VCAM1: variants seen among roughly 807,000 people sequenced by gnomAD.
The protein encoded by VCAM1 is vascular cell adhesion protein 1.
A neutral mutation model predicts 63.8 loss-of-function variants in VCAM1; 41 were observed. That is an observed-to-expected ratio of 0.64 (90% confidence interval 0.50 to 0.83). The LOEUF is 0.83. Ranked by LOEUF, VCAM1 falls within the 40% of genes least tolerant of loss-of-function variation. The probability of loss-of-function intolerance (pLI) is 0.00; values close to 1 mark genes in which losing one functional copy is unlikely to be tolerated. For missense variants in VCAM1, 798 were observed against 875.5 expected (o/e 0.91, Z 1.12); for synonymous variants, 338 against 320.7 (o/e 1.05, Z -0.58).
intron 7 of VCAM1, among the ~76,000 whole-genome samples, chr1:100,733,233 T>C (rs1364794265): frequency 6.6e-6 from 1 of 152,192 alleles, no homozygotes; most frequent in African/African-American, 2.4e-5. Flanking sequence ...CTCTTTAGGA[T>C]GGAGACCCAA....
At position 100,732,587 on chromosome 1, in the gene VCAM1, C is replaced by T; in HGVS notation, c.1695C>T (p.Thr565=). ...CTCTTTCTGAGAATGCAACTCTCAC[C>T]TTAATTTCTACAAAAATGGAAGATT... The part of the protein sequence containing the change: ...LQPLSENATL[T]LISTKMEDSG... The change falls in exon 7 of 9, where the codon ACC becomes ACT. Residue 565 remains threonine (T), a synonymous_variant. Coordinates refer to ENST00000294728, the MANE Select transcript of VCAM1 (RefSeq NM_001078.4). 3.7e-6 allele frequency: 6 copies of T among 1,613,322 alleles called. No individual in the cohort carries two copies. The highest frequency in any genetic ancestry group is 4.2e-6 in the Non-Finnish European group (5 of 1,179,714).
At chr1:100,729,460 G>T in intron 5 of VCAM1, 78 bp downstream of exon 5, 1 of 1,459,220 alleles carries the variant, frequency 6.9e-7, no homozygotes. Context: ...TCTGTGAAGT[G>T]CAATGAAATC....
chr1:100,736,964 T>A (rs1013351451), intron 8 of VCAM1: 1 of 152,192 alleles, frequency 6.6e-6, no homozygotes, highest in Admixed American at 6.5e-5. Flanking sequence ...ACTTGTGTGG[T>A]CACATGATGC....
At chr1:100,732,798 T>A in intron 7 of VCAM1, 114 bp downstream of exon 7, 1 of 1,189,118 alleles carries the variant, frequency 8.4e-7, no homozygotes, top group Non-Finnish European at 1.2e-6. Flanking sequence ...GTGATGAGGG[T>A]TTTGAAGAGT....
intron 4 of VCAM1, among the ~76,000 whole-genome samples, chr1:100,725,788 T>C (rs565286420): frequency 6.6e-6 from 1 of 152,194 alleles, no homozygotes; most frequent in African/African-American, 2.4e-5. Flanking sequence ...ATATTTTTAA[T>C]TGATAAATCA....
At position 100,738,928 on chromosome 1, in the gene VCAM1, T is replaced by C. The variant is rs923478238; in HGVS notation, c.*645T>C. On this transcript the variant is annotated 3_prime_UTR_variant, in exon 9 of 9. Transcript: ENST00000294728. The stretch of plus-strand genomic sequence containing the variant: ...GTACGGAGATGTTTCACGAAGTTTG[T>C]TCATCAGACTCCTGTGCAACTTTCC... The C allele has an allele frequency of 1.3e-5, 2 of 152,234 alleles. No homozygotes were observed. Among genetic ancestry groups the C allele is most frequent in the African/African-American group, 4.8e-5 (2 of 41,460 alleles). 9.4% of individuals were successfully genotyped at this position (152,234 alleles called of 1,614,324 possible).
intron 2 of VCAM1, among the ~76,000 whole-genome samples, chr1:100,722,694 A>G (rs1201023375): frequency 6.6e-6 from 1 of 152,106 alleles, no homozygotes; most frequent in Non-Finnish European, 1.5e-5. Flanking sequence ...GGATAAAATG[A>G]AATCATTCAT....
chr1:100,723,402 A>G (rs944894377), intron 3 of VCAM1, 62 bp downstream of exon 3: 15 of 1,509,300 alleles, frequency 9.9e-6, no homozygotes, highest in Non-Finnish European at 1.3e-5. Context: ...GTGTATAGCA[A>G]TAAACTTAGC....
chr1:100,732,455 C>T lies in VCAM1; in HGVS notation c.1563C>T (p.Ser521=), dbSNP rs1660494341. Reference sequence around the variant, plus strand: ...ATACAACCGTCTTGGTCAGCCCTTCCTCCATCCTGGAGGAAGGCAGTTCTG... The same window carrying T: ...ATACAACCGTCTTGGTCAGCCCTTCTTCCATCCTGGAGGAAGGCAGTTCTG... ...PRDTTVLVSP[S]SILEEGSSVN... Residue 521 remains serine (S), a synonymous_variant, in exon 7 of 9, where the codon TCC becomes TCT. Coordinates refer to ENST00000294728, the MANE Select transcript of VCAM1 (RefSeq NM_001078.4). 2 of 1,600,680 alleles carry T rather than the reference C, an allele frequency of 1.2e-6. No homozygotes were observed. The highest frequency in any genetic ancestry group is 3.5e-5 in the Admixed American group (2 of 56,904).
chr1:100,734,841 A>G, intron 8 of VCAM1, 73 bp downstream of exon 8: 1 of 1,527,804 alleles, frequency 6.5e-7, no homozygotes, highest in Non-Finnish European at 8.8e-7. Context: ...AGTTTCCAAT[A>G]TTTGATGAAT....
chr1:100,734,395 G>A lies in VCAM1; in HGVS notation c.1793-107G>A, dbSNP rs1470076326. 6.4e-6 allele frequency: 8 copies of A among 1,257,672 alleles called. No individual in the cohort carries two copies. The East Asian group carries it at 7.3e-5, about 11-fold the overall frequency. 77.9% of individuals were successfully genotyped at this position (1,257,672 alleles called of 1,614,324 possible). ...GCCCTTCTTAACATTTAATGCAAAC[G>A]CTAAGCACAAATAGCTCCAGGGAAG... On this transcript the variant is annotated intron_variant, in intron 7 of 8. Coordinates refer to ENST00000294728, the MANE Select transcript of VCAM1 (RefSeq NM_001078.4).
chr1:100,731,249 G>A lies in VCAM1; in HGVS notation c.1256G>A (p.Ser419Asn). 2 of 1,613,478 alleles carry A rather than the reference G, an allele frequency of 1.2e-6. No individual in the cohort carries two copies. The highest frequency in any genetic ancestry group is 1.7e-6 in the Non-Finnish European group (2 of 1,179,670). The change falls in exon 6 of 9, where the codon AGC (serine) becomes AAC (asparagine). Residue 419 changes from serine to asparagine, a missense_variant. By Grantham distance (46) the Ser-to-Asn change is conservative. Coordinates refer to ENST00000294728, the MANE Select transcript of VCAM1 (RefSeq NM_001078.4). This position sits in a 1 kb window ranked among gnomAD's most constrained non-coding sequence, Gnocchi z 4.2. ...ATGAGTGGTGGCCTCGTGAATGGGA[G>A]CTCTGTCACTGTAAGCTGCAAGGTT... ...IEMSGGLVNG[S>N]SVTVSCKVPS...
At chr1:100,736,191 T>C (rs1332328080) in intron 8 of VCAM1, 1 of 152,224 alleles carries the variant, frequency 6.6e-6, no homozygotes, top group East Asian at 1.9e-4. Context: ...AATTGCTTTA[T>C]CAAATTAGCC....
rs202092399 is a variant in VCAM1, at chr1:100,719,900, A to G, written c.40A>G (p.Ile14Val). 2 of 1,610,982 alleles carry G rather than the reference A, an allele frequency of 1.2e-6. No individual in the cohort carries two copies. The highest frequency in any genetic ancestry group is 1.7e-6 in the Non-Finnish European group (2 of 1,177,960). ...GGTCGTGATCCTTGGAGCCTCAAATATACTTTGGATAATGTTTGCAGCTTG... is the reference window on the plus strand; with the variant it reads ...GGTCGTGATCCTTGGAGCCTCAAATGTACTTTGGATAATGTTTGCAGCTTG... ...KMVVILGASN[I>V]LWIMFAASQA... The change falls in exon 1 of 9, where the codon ATA becomes GTA. Residue 14 changes from isoleucine (I) to valine (V), a missense_variant. Transcript: ENST00000294728.
At chr1:100,729,551 C>T (rs774887452) in intron 5 of VCAM1, among the ~76,000 whole-genome samples, 169 bp downstream of exon 5, 2 of 151,958 alleles carry the variant, frequency 1.3e-5, no homozygotes, top group Non-Finnish European at 2.9e-5. Flanking sequence ...ATATAATTAG[C>T]TTAAATCTTA....
In VCAM1 at chr1:100,719,798, C is replaced by G. The variant is rs932949729; in HGVS notation, c.-63C>G. 2.7e-5 allele frequency: 42 copies of G among 1,567,056 alleles called. 2 individuals are homozygous for G. In the South Asian group the frequency reaches 4.8e-4, roughly 18 times the overall value. On this transcript the variant is annotated 5_prime_UTR_variant, in exon 1 of 9. Transcript: ENST00000294728. ...GGAGCTGAATACCCTCCCAGGCACA[C>G]ACAGGTGGGACACAAATAAGGGTTT...
chr1:100,733,065 C>G (rs1174914795), intron 7 of VCAM1, among the ~76,000 whole-genome samples: 3 of 152,190 alleles, frequency 2.0e-5, no homozygotes, highest in Admixed American at 6.5e-5. Flanking sequence ...GTGGCAATCT[C>G]ACAAGATGGC....
In VCAM1 at chr1:100,734,760, A is replaced by T. The variant is rs1170497817; in HGVS notation, c.2051A>T (p.Asp684Val). The T allele has an allele frequency of 1.2e-6, 2 of 1,613,446 alleles. No individual in the cohort carries two copies. The highest frequency in any genetic ancestry group is 1.7e-6 in the Non-Finnish European group (2 of 1,179,628). Reference protein sequence around the residue: ...VGSQLRSLTLDVQGRENNKDY... With the variant: ...VGSQLRSLTLVVQGRENNKDY... ...TCACAATTAAGAAGTTTAACACTTGATGTTCAAGGTGAGTTTGTTTTGAGT... is the reference window on the plus strand; with the variant it reads ...TCACAATTAAGAAGTTTAACACTTGTTGTTCAAGGTGAGTTTGTTTTGAGT... Residue 684 changes from aspartate (D) to valine (V), a missense_variant, in exon 8 of 9, where the codon GAT (aspartate) becomes GTT (valine). By Grantham distance (152) the Asp-to-Val change is radical. Transcript: ENST00000294728.
chr1:100,724,861 A>C lies in VCAM1; in HGVS notation c.899A>C (p.Asn300Thr). ...GAAGGAGTTAATTTGATTGGGAAAA[A>C]CAGAAAAGAGGTGGAATTAATTGTT... ...VCEGVNLIGK[N>T]RKEVELIVQE... Residue 300 changes from asparagine (N) to threonine (T), a missense_variant, in exon 4 of 9, where the codon AAC becomes ACC. Asn to Thr is a moderately conservative substitution (Grantham distance 65). Coordinates refer to ENST00000294728, the MANE Select transcript of VCAM1 (RefSeq NM_001078.4). The C allele has an allele frequency of 6.2e-7, 1 of 1,612,792 alleles. No individual in the cohort carries two copies. Among genetic ancestry groups the C allele is most frequent in the South Asian group, 1.1e-5 (1 of 91,018 alleles).
Sources: allele counts gnomAD v4.1 joint callset (sites outside exome capture counted in the v4.1 genomes callset), GRCh38; gene constraint gnomAD v4.1.1; non-coding constraint Gnocchi (gnomAD v3.1); transcripts MANE v1.5; gene names NCBI Gene and HGNC (gene_info 2026-07-23, HGNC 2026-07-21).